EYS: variants seen among roughly 807,000 people sequenced by gnomAD.
EYS encodes protein eyes shut homolog.
Under a neutral mutation model 282.1 loss-of-function variants are expected in EYS, and 250 were observed. The observed-to-expected ratio is 0.89, with a 90% CI of 0.80 to 0.98. The LOEUF is 0.98. Ranked by LOEUF, EYS falls within the 50% of genes least tolerant of loss-of-function variation. The pLI, the probability that EYS is intolerant of heterozygous loss-of-function variation, is 0.00. For missense variants in EYS, 4,016 were observed against 3,709.0 expected (o/e 1.08, Z -2.15); for synonymous variants, 1,355 against 1,282.9 (o/e 1.06, Z -1.20).
intron 32 of EYS, among the ~76,000 whole-genome samples, chr6:64,068,248 A>T (rs1454059941): frequency 2.6e-5 from 4 of 152,074 alleles, no homozygotes; most frequent in African/African-American, 9.6e-5. Context: ...ATGTTTACTG[A>T]CTGTTTTGAT....
At chr6:65,538,152 G>A (rs1016728426) in intron 2 of EYS, among the ~76,000 whole-genome samples, 4 of 152,104 alleles carry the variant, frequency 2.6e-5, no homozygotes, top group Non-Finnish European at 5.9e-5. Flanking sequence ...AATATTGGTG[G>A]ACAATTATTA....
At chr6:64,130,631 A>C (rs927647386) in intron 31 of EYS, among the ~76,000 whole-genome samples, 3 of 152,126 alleles carry the variant, frequency 2.0e-5, no homozygotes, top group Non-Finnish European at 4.4e-5. Flanking sequence ...TATAATTAAA[A>C]AAAAAAAGTT....
intron 30 of EYS, among the ~76,000 whole-genome samples, chr6:64,239,653 A>G (rs2150342465): frequency 6.6e-6 from 1 of 150,704 alleles, no homozygotes; most frequent in South Asian, 2.1e-4. Flanking sequence ...TCTGGATATT[A>G]GCCCTTTGTC....
intron 24 of EYS, among the ~76,000 whole-genome samples, chr6:64,615,588 T>C (rs1247793341): frequency 6.6e-6 from 1 of 152,166 alleles, no homozygotes; most frequent in Non-Finnish European, 1.5e-5. Context: ...CATACTGCTA[T>C]AGCATTGGCA....
chr6:64,267,763 A>G (rs1767809508), intron 30 of EYS, among the ~76,000 whole-genome samples: 1 of 152,104 alleles, frequency 6.6e-6, no homozygotes, highest in South Asian at 2.1e-4. Flanking sequence ...AAAAATAACC[A>G]AAGGTCAGAA....
intron 35 of EYS, among the ~76,000 whole-genome samples, chr6:63,889,391 C>A (rs1012463764): frequency 6.6e-5 from 10 of 152,086 alleles, no homozygotes; most frequent in Non-Finnish European, 1.5e-4. Flanking sequence ...TCGGGGAAGC[C>A]ACAAAGGAGA....
chr6:65,417,990 G>T (rs1277783909), intron 5 of EYS, among the ~76,000 whole-genome samples: 1 of 151,952 alleles, frequency 6.6e-6, no homozygotes, highest in East Asian at 1.9e-4. Context: ...CTCTTAATTT[G>T]AAGAAGCAGG....
chr6:64,485,941 A>AG (rs1042077369), intron 26 of EYS, among the ~76,000 whole-genome samples: 18 of 151,436 alleles, frequency 1.2e-4, no homozygotes, highest in Non-Finnish European at 1.5e-4. Context: ...TTATATTTAA[A>AG]GATAATAGCA....
chr6:65,696,256 C>T (rs949828244), intron 1 of EYS, among the ~76,000 whole-genome samples: 2 of 151,794 alleles, frequency 1.3e-5, no homozygotes, highest in African/African-American at 4.8e-5. Flanking sequence ...TGTCATACTC[C>T]TGGTTAAAAA....
At chr6:63,871,397 A>C (rs1382576168) in intron 35 of EYS, among the ~76,000 whole-genome samples, 1 of 152,190 alleles carries the variant, frequency 6.6e-6, no homozygotes, top group Non-Finnish European at 1.5e-5. Context: ...GTGGTGACTC[A>C]TGCCTATAAT....
chr6:63,946,761 T>C (rs1582011075), intron 35 of EYS, among the ~76,000 whole-genome samples: 1 of 151,028 alleles, frequency 6.6e-6, no homozygotes, highest in Admixed American at 6.6e-5. Context: ...ATGAAAGAGT[T>C]AGAAGGAAGT....
At chr6:64,046,022 G>A (rs1770610318) in intron 33 of EYS, among the ~76,000 whole-genome samples, 1 of 145,588 alleles carries the variant, frequency 6.9e-6, no homozygotes, top group Non-Finnish European at 1.5e-5. Context: ...TAATAAATAT[G>A]TATTATATAT....
intron 31 of EYS, among the ~76,000 whole-genome samples, chr6:64,099,411 G>A (rs1300967070): frequency 6.6e-6 from 1 of 152,106 alleles, no homozygotes; most frequent in Non-Finnish European, 1.5e-5. Context: ...ATTCTGAAAA[G>A]ATGGGAACTT....
chr6:64,380,033 T>C (rs1387645595), intron 29 of EYS, among the ~76,000 whole-genome samples: 4 of 152,114 alleles, frequency 2.6e-5, no homozygotes, highest in African/African-American at 4.8e-5. Context: ...TCAACTCAAA[T>C]TGTGTCTGGG....
chr6:65,225,756 G>A (rs568014337), intron 12 of EYS, among the ~76,000 whole-genome samples: 5 of 148,632 alleles, frequency 3.4e-5, no homozygotes, highest in East Asian at 3.9e-4. Flanking sequence ...ACCAATCCAC[G>A]TAACTTTAAT....
chr6:65,337,535 C>T (rs1206289178), intron 10 of EYS, among the ~76,000 whole-genome samples: 1 of 151,124 alleles, frequency 6.6e-6, no homozygotes, highest in Non-Finnish European at 1.5e-5. Flanking sequence ...AACTCTATAT[C>T]TACAGGTAGT....
intron 14 of EYS, among the ~76,000 whole-genome samples, chr6:64,986,323 C>T (rs1770856817): frequency 6.6e-6 from 1 of 151,388 alleles, no homozygotes; most frequent in Admixed American, 6.6e-5. Flanking sequence ...ATAAAATATA[C>T]ACATATGTAA....
intron 12 of EYS, among the ~76,000 whole-genome samples, chr6:65,292,274 T>A (rs1768547891): frequency 6.6e-6 from 1 of 151,712 alleles, no homozygotes. Flanking sequence ...TTTTAAAAGA[T>A]CAGAACACAA....
intron 5 of EYS, among the ~76,000 whole-genome samples, chr6:65,457,644 C>T (rs1764675153): frequency 1.3e-5 from 2 of 151,840 alleles, no homozygotes; most frequent in South Asian, 4.1e-4. Context: ...TTTTGTTATC[C>T]TAAAATAATC....
Sources: allele counts gnomAD v4.1 joint callset (sites outside exome capture counted in the v4.1 genomes callset), GRCh38; gene constraint gnomAD v4.1.1; transcripts MANE v1.5; gene names NCBI Gene and HGNC (gene_info 2026-07-23, HGNC 2026-07-21).